ITGA8: variants seen among roughly 807,000 people sequenced by gnomAD.
ITGA8 encodes integrin subunit alpha 8, also known as integrin alpha-8.
ITGA8 carries 91 observed loss-of-function variants against 142.3 expected under a neutral mutation model. That is an observed-to-expected ratio of 0.64 (90% confidence interval 0.54 to 0.76). The LOEUF (loss-of-function observed/expected upper bound fraction) is 0.76, where lower values mean the gene tolerates loss of function less well. ITGA8 is among the 30% of genes least tolerant of loss of function. ITGA8 has a pLI of 0.00. For missense variants in ITGA8, 1,406 were observed against 1,327.7 expected (o/e 1.06, Z -0.92); for synonymous variants, 505 against 485.2 (o/e 1.04, Z -0.54).
intron 28 of ITGA8, among the ~76,000 whole-genome samples, chr10:15,524,914 A>C (rs1231921282): frequency 6.6e-6 from 1 of 152,260 alleles, no homozygotes; most frequent in African/African-American, 2.4e-5. Flanking sequence ...TTAGATAATA[A>C]ATAATGAGGA....
chr10:15,548,098 A>ATTTTTTTT lies in ITGA8; in HGVS notation c.2880+349_2880+356dup, dbSNP rs1213511861. Among the ~76,000 whole-genome samples, 634 of 147,262 alleles carry ATTTTTTTT rather than the reference A, an allele frequency of 4.3e-3. 13 individuals are homozygous for ATTTTTTTT. Among genetic ancestry groups the ATTTTTTTT allele is most frequent in the African/African-American group, 0.015 (600 of 39,586 alleles). On this transcript the variant is annotated intron_variant, in intron 27 of 29. Coordinates refer to ENST00000378076, the MANE Select transcript of ITGA8 (RefSeq NM_003638.3). ...TTTTAAGTTTAAAATTCAAGTTTTA[A>ATTTTTTTT]TTTTTTTTTTTGAGGCAGTGTCTCA...
chr10:15,702,326 T>C (rs905844107), intron 2 of ITGA8, among the ~76,000 whole-genome samples: 3 of 152,012 alleles, frequency 2.0e-5, no homozygotes, highest in Non-Finnish European at 4.4e-5. Context: ...GTTTCATTCT[T>C]ATCGCCCAGG....
intron 27 of ITGA8, among the ~76,000 whole-genome samples, chr10:15,542,825 AATGAGTCATTCATATACAAGC>A (rs1012858281): frequency 1.3e-5 from 2 of 152,230 alleles, no homozygotes; most frequent in African/African-American, 4.8e-5. Context: ...GTAAGAATTA[AATGAGTCATTCATATACAAGC>A]ATGTATCATG....
intron 22 of ITGA8, among the ~76,000 whole-genome samples, chr10:15,590,243 A>G (rs971097812): frequency 6.6e-6 from 1 of 152,192 alleles, no homozygotes; most frequent in Non-Finnish European, 1.5e-5. Flanking sequence ...ATGAAGGGGA[A>G]TGTTAAAAAC....
chr10:15,649,357 A>G (rs1212106481), intron 11 of ITGA8, among the ~76,000 whole-genome samples: 3 of 152,070 alleles, frequency 2.0e-5, no homozygotes, highest in Admixed American at 1.3e-4. Flanking sequence ...AAGGCCAGTC[A>G]CAGTGGCTCA....
intron 4 of ITGA8, among the ~76,000 whole-genome samples, chr10:15,682,520 T>G (rs1834755888): frequency 6.6e-6 from 1 of 152,128 alleles, no homozygotes; most frequent in African/African-American, 2.4e-5. Flanking sequence ...CAGAAAGCAA[T>G]AATCTTCTCC....
chr10:15,591,839 C>T (rs191228401), intron 22 of ITGA8, among the ~76,000 whole-genome samples: 54 of 152,222 alleles, frequency 3.5e-4, no homozygotes, highest in Admixed American at 1.0e-3. Flanking sequence ...TTCAGGATGG[C>T]CATTGCAAAA....
chr10:15,649,640 A>G (rs1328431852), intron 11 of ITGA8, among the ~76,000 whole-genome samples: 7 of 151,022 alleles, frequency 4.6e-5, no homozygotes, highest in Non-Finnish European at 1.0e-4. Context: ...AAAATTGGGC[A>G]AAGATTTGAA....
In ITGA8 at chr10:15,678,802, A is replaced by G. The variant is rs1239918175; in HGVS notation, c.569-19T>C. 8.7e-6 allele frequency: 13 copies of G among 1,501,900 alleles called. No individual in the cohort carries two copies. The highest frequency in any genetic ancestry group is 1.7e-4 in the Middle Eastern group (1 of 5,824). The allele number at this position is 1,501,900 out of a possible 1,614,324, so 93.0% of individuals were successfully genotyped here. ...GCATTGCCTAGAACGATCAAAATAC[A>G]TAAATGTTATAACGTTATCATTCCT... On this transcript the variant is annotated intron_variant, in intron 4 of 29. Coordinates refer to ENST00000378076, the MANE Select transcript of ITGA8 (RefSeq NM_003638.3).
At chr10:15,518,630 G>A (rs1833005143) in intron 29 of ITGA8, among the ~76,000 whole-genome samples, 1 of 152,218 alleles carries the variant, frequency 6.6e-6, no homozygotes, top group Non-Finnish European at 1.5e-5. Flanking sequence ...ATTTGGGAAT[G>A]GAAGGCTCTG....
intron 27 of ITGA8, among the ~76,000 whole-genome samples, chr10:15,531,917 C>T (rs1400624498): frequency 6.6e-6 from 1 of 152,038 alleles, no homozygotes; most frequent in Non-Finnish European, 1.5e-5. Context: ...TGCGCTCCGA[C>T]CTGGGCAACA....
chr10:15,590,312 T>C (rs1440718002), intron 22 of ITGA8, among the ~76,000 whole-genome samples: 1 of 152,226 alleles, frequency 6.6e-6, no homozygotes, highest in Non-Finnish European at 1.5e-5. Context: ...ATTATTTCAA[T>C]GATGATCTAC....
rs1205269283 is a variant in ITGA8 at position 15,694,682 on chromosome 10, T to TATATACATATATATATATACACAC, written c.344-6645_344-6644insGTGTGTATATATATATATGTATAT. Among the ~76,000 whole-genome samples the TATATACATATATATATATACACAC allele has an allele frequency of 9.1e-5, 12 of 131,198 alleles. 1 individual carries two copies. The highest frequency in any genetic ancestry group is 2.4e-4 in the Admixed American group (3 of 12,496). 86.1% of individuals were successfully genotyped at this position (131,198 alleles called of 152,430 possible). ...TATTATATCTATATTTGTCGACATA[T>TATATACATATATATATATACACAC]ATATATATATATATATATATGTCGA... On this transcript the variant is annotated intron_variant, in intron 2 of 29. Coordinates refer to ENST00000378076, the MANE Select transcript of ITGA8 (RefSeq NM_003638.3).
chr10:15,563,772 A>G (rs144602557), intron 25 of ITGA8, among the ~76,000 whole-genome samples: 2,012 of 152,184 alleles, frequency 0.013, 36 homozygotes, highest in African/African-American at 0.046. Context: ...AAAATTAGCC[A>G]GGCTGGTGGT....
intron 26 of ITGA8, among the ~76,000 whole-genome samples, chr10:15,556,064 T>G (rs2131565180): frequency 7.4e-6 from 1 of 135,028 alleles, no homozygotes; most frequent in South Asian, 2.6e-4. Flanking sequence ...TCTCACTCTG[T>G]CTCCCAGGCT....
intron 26 of ITGA8, among the ~76,000 whole-genome samples, chr10:15,548,863 G>A (rs776364169): frequency 2.6e-5 from 4 of 152,166 alleles, no homozygotes; most frequent in Non-Finnish European, 4.4e-5. Flanking sequence ...GGAAGGCATT[G>A]CTTATAGATA....
intron 23 of ITGA8, among the ~76,000 whole-genome samples, chr10:15,585,747 G>A (rs1184720689): frequency 3.9e-5 from 6 of 152,142 alleles, no homozygotes; most frequent in Non-Finnish European, 7.3e-5. Flanking sequence ...GCAGCTGGTA[G>A]TCATTTCCTT....
chr10:15,651,555 G>T (rs1485001602), intron 11 of ITGA8, among the ~76,000 whole-genome samples: 11 of 151,444 alleles, frequency 7.3e-5, no homozygotes, highest in African/African-American at 2.4e-4. Flanking sequence ...GTGATGTTGA[G>T]ATTTTGGAGC....
At chr10:15,702,361 G>A (rs1348512020) in intron 2 of ITGA8, among the ~76,000 whole-genome samples, 1 of 151,604 alleles carries the variant, frequency 6.6e-6, no homozygotes, top group Non-Finnish European at 1.5e-5. Context: ...CACTATCTTG[G>A]CTCACTGCAA....
Sources: gnomAD v4.1 joint callset for allele counts (sites outside exome capture counted in the v4.1 genomes callset) on GRCh38, gnomAD v4.1.1 for gene constraint, MANE v1.5 for transcripts, NCBI Gene and HGNC (gene_info 2026-07-23, HGNC 2026-07-21) for gene names.